FOXN1: variants seen among roughly 807,000 people sequenced by gnomAD.
FOXN1 encodes the protein forkhead box protein N1.
In FOXN1, 15 loss-of-function variants were observed where a neutral mutation model predicts 49.0. That is an observed-to-expected ratio of 0.31 (90% CI 0.20 to 0.47). The LOEUF (loss-of-function observed/expected upper bound fraction) is 0.47, where lower values mean the gene tolerates loss of function less well. Among genes scored for constraint, FOXN1 ranks in the 20% least tolerant of loss-of-function variants. The pLI is 1.00. For missense variants in FOXN1, 800 were observed against 842.8 expected, an observed-to-expected ratio of 0.95 and a Z score of 0.63; for synonymous variants, 356 against 369.0, an observed-to-expected ratio of 0.96 and a Z score of 0.40.
rs201218847 is a variant in FOXN1, at chr17:28,537,456, G to C, written c.*20G>C. 1,287 of 1,597,528 alleles carry C rather than the reference G, an allele frequency of 8.1e-4. No homozygotes were observed. Among genetic ancestry groups the C allele is most frequent in the Non-Finnish European group, 7.4e-4 (868 of 1,165,692 alleles). Reference sequence around the variant, plus strand: ...GCATGAGCTGTGCCCAGCTTCGTCAGCTCCAGCGTTTGCCTGGTCTGGAAG... The same window carrying C: ...GCATGAGCTGTGCCCAGCTTCGTCACCTCCAGCGTTTGCCTGGTCTGGAAG... On this transcript the variant is annotated 3_prime_UTR_variant, in exon 9 of 9. Transcript: ENST00000579795.
chr17:28,514,956 T>C (rs1057182340), intron 1 of FOXN1, among the ~76,000 whole-genome samples: 1 of 152,118 alleles, frequency 6.6e-6, no homozygotes. Flanking sequence ...AGCGTAATGG[T>C]TCAGCATGCT....
At position 28,524,821 on chromosome 17, in the gene FOXN1, T is replaced by C. The variant is rs761540532; in HGVS notation, c.442T>C (p.Ser148Pro). 1 of 1,613,670 alleles carries C rather than the reference T, an allele frequency of 6.2e-7. No homozygotes were observed. The highest frequency in any genetic ancestry group is 8.5e-7 in the Non-Finnish European group (1 of 1,179,990). ...GACCACCCTGGCCCTCAAAGGACAC[T>C]CCTTTAAGACCCCAGGGCCGCTGGA... The part of the protein sequence containing the change: ...AETTLALKGH[S>P]FKTPGPLEAF... The change falls in exon 3 of 9, where the codon TCC (serine) becomes CCC (proline). Residue 148 changes from serine to proline, a missense_variant. Ser to Pro is a moderately conservative substitution (Grantham distance 74). Coordinates refer to ENST00000579795, the MANE Select transcript of FOXN1 (RefSeq NM_001369369.1).
At position 28,535,224 on chromosome 17, in the gene FOXN1, G is replaced by C. The variant is rs558081551; in HGVS notation, c.1627+26G>C. On this transcript the variant is annotated intron_variant, in intron 8 of 8. Transcript: ENST00000579795. ...GTGAGCTGGGGGTGGGAAAGGGAAG[G>C]TGGGACAGGACTGGAGAGGAGCACC... 1.9e-5 allele frequency: 31 copies of C among 1,610,132 alleles called. No homozygotes were observed. In the African/African-American group the frequency reaches 3.5e-4, roughly 18 times the overall value.
At chr17:28,533,300 C>T (rs984379991) in intron 6 of FOXN1, among the ~76,000 whole-genome samples, 4 of 152,128 alleles carry the variant, frequency 2.6e-5, no homozygotes, top group Non-Finnish European at 4.4e-5. Context: ...CTGCTGAACT[C>T]AGGGCTGTCA....
chr17:28,523,831 T>A (rs998098255), intron 1 of FOXN1, 125 bp from the exon 2 acceptor site: 1 of 754,222 alleles, frequency 1.3e-6, no homozygotes, highest in Non-Finnish European at 2.4e-6. Context: ...TCTCTCTCTC[T>A]CATCAGATGG....
At position 28,537,677 on chromosome 17, in the gene FOXN1, C is replaced by T. The variant is rs893779974; in HGVS notation, c.*241C>T. Reference sequence around the variant, plus strand: ...TCACCCAGGGCCCCCAAAGAGCAAGCGTCTGGGCAAGAGGAAAATGCCCTG... The same window carrying T: ...TCACCCAGGGCCCCCAAAGAGCAAGTGTCTGGGCAAGAGGAAAATGCCCTG... On this transcript the variant is annotated 3_prime_UTR_variant, in exon 9 of 9. Transcript: ENST00000579795. 3.3e-6 allele frequency: 2 copies of T among 601,758 alleles called. No individual in the cohort carries two copies. The highest frequency in any genetic ancestry group is 6.0e-6 in the Non-Finnish European group (2 of 334,804). 37.3% of individuals were successfully genotyped at this position (601,758 alleles called of 1,614,324 possible). A position where few individuals can be genotyped will look rare whatever the true frequency, so the allele number is the denominator to read the frequency against.
At chr17:28,530,697 G>T in intron 5 of FOXN1, 52 bp from the exon 6 acceptor site, 1 of 1,026,096 alleles carries the variant, frequency 9.7e-7, no homozygotes, top group Non-Finnish European at 1.6e-6. Flanking sequence ...CTTGGGGTGG[G>T]CTCAGGACCC....
intron 1 of FOXN1, among the ~76,000 whole-genome samples, chr17:28,512,790 C>T (rs1198420648): frequency 2.6e-5 from 4 of 152,136 alleles, no homozygotes; most frequent in Admixed American, 6.5e-5. Context: ...TCCAGAGTAG[C>T]CAGGGAGGCA....
intron 1 of FOXN1, among the ~76,000 whole-genome samples, chr17:28,509,968 G>A (rs1216779886): frequency 6.6e-6 from 1 of 152,212 alleles, no homozygotes; most frequent in Non-Finnish European, 1.5e-5. Context: ...GGGCCAGGGA[G>A]AGAATTCGCT....
chr17:28,537,785 A>T lies in FOXN1; in HGVS notation c.*349A>T, dbSNP rs1465904477. 2 of 390,782 alleles carry T rather than the reference A, an allele frequency of 5.1e-6. No individual in the cohort carries two copies. Among genetic ancestry groups the T allele is most frequent in the African/African-American group, 4.1e-5 (2 of 48,800 alleles). The allele number at this position is 390,782 out of a possible 1,614,324, so 24.2% of individuals were successfully genotyped here. On this transcript the variant is annotated 3_prime_UTR_variant, in exon 9 of 9. Coordinates refer to ENST00000579795, the MANE Select transcript of FOXN1 (RefSeq NM_001369369.1). ...ATGTACACCCACCCACATATCTTAC[A>T]GCCAGAGGAACCAGCACTCCATCAC...
intron 1 of FOXN1, among the ~76,000 whole-genome samples, chr17:28,521,146 C>A (rs560303137): frequency 7.9e-5 from 12 of 152,046 alleles, no homozygotes; most frequent in Admixed American, 7.2e-4. Flanking sequence ...TTCTCAGATG[C>A]GGAAAGTGAG....
chr17:28,508,349 G>C (rs994342953), intron 1 of FOXN1, among the ~76,000 whole-genome samples: 26 of 152,222 alleles, frequency 1.7e-4, no homozygotes, highest in African/African-American at 4.6e-4. Context: ...TCGCGAGAAG[G>C]CTTAGGAAAG....
rs769969790 is a variant in FOXN1 at position 28,524,585 on chromosome 17, G to T, written c.206G>T (p.Arg69Leu). Residue 69 changes from arginine to leucine, a missense_variant, in exon 3 of 9, where the codon CGC (arginine) becomes CTC (leucine). Around this residue, in one of 3 missense-constraint regions of FOXN1, gnomAD observed 383 missense variants for 357.9 expected, o/e 1.07. Transcript: ENST00000579795. ...CCCTCACTGCCCCCACACAGCCCCC[G>T]CATTGCGTCACCAGGGCCCGAGCAA... ...RTPSLPPHSP[R>L]IASPGPEQVQ... is the part of the protein sequence containing the mutation. 2 of 1,613,532 alleles carry T rather than the reference G, an allele frequency of 1.2e-6. No homozygotes were observed. The highest frequency in any genetic ancestry group is 1.1e-5 in the South Asian group (1 of 91,086).
At position 28,534,719 on chromosome 17, in the gene FOXN1, G is replaced by A; in HGVS notation, c.1148G>A (p.Ser383Asn). The part of the protein sequence containing the change: ...KSMAKPEELD[S>N]LIGDKREKLG... Reference sequence around the variant, plus strand: ...TTGGGCCTTTCAGAAGAGCTGGACAGCCTCATTGGAGACAAGAGAGAAAAG... The same window carrying A: ...TTGGGCCTTTCAGAAGAGCTGGACAACCTCATTGGAGACAAGAGAGAAAAG... The change falls in exon 8 of 9, where the codon AGC (serine) becomes AAC (asparagine). Residue 383 changes from serine to asparagine, a missense_variant. Transcript: ENST00000579795. This position sits in a 1 kb window ranked among gnomAD's most constrained non-coding sequence, Gnocchi z 4.1. 6.2e-7 allele frequency: 1 copy of A among 1,613,506 alleles called. No homozygotes were observed. The highest frequency in any genetic ancestry group is 1.1e-5 in the South Asian group (1 of 91,030).
intron 1 of FOXN1, among the ~76,000 whole-genome samples, chr17:28,519,849 A>G (rs1597544095): frequency 6.6e-6 from 1 of 152,122 alleles, no homozygotes. Flanking sequence ...GCCTCTGCCA[A>G]TGGGAGAGGA....
Position 28,537,620 on chromosome 17 carries a change from C to T in FOXN1, c.*184C>T. 1 of 650,846 alleles carries T rather than the reference C, an allele frequency of 1.5e-6. No individual in the cohort carries two copies. The highest frequency in any genetic ancestry group is 2.8e-6 in the Non-Finnish European group (1 of 357,768). The allele number at this position is 650,846 out of a possible 1,614,324, so 40.3% of individuals were successfully genotyped here. A position where few individuals can be genotyped will look rare whatever the true frequency, so the allele number is the denominator to read the frequency against. On this transcript the variant is annotated 3_prime_UTR_variant, in exon 9 of 9. Coordinates refer to ENST00000579795, the MANE Select transcript of FOXN1 (RefSeq NM_001369369.1). ...GGACATCACCTGGGGTGCTGCCTCT[C>T]ACACATTTCTGCCACGTGGTGGCCC...
intron 1 of FOXN1, among the ~76,000 whole-genome samples, chr17:28,519,630 T>A (rs1234314319): frequency 6.6e-6 from 1 of 152,106 alleles, no homozygotes; most frequent in Non-Finnish European, 1.5e-5. Flanking sequence ...GGATAAAGGT[T>A]GGACCTCTAT....
intron 1 of FOXN1, among the ~76,000 whole-genome samples, chr17:28,518,214 C>T (rs1000841942): frequency 2.0e-5 from 3 of 152,034 alleles, no homozygotes; most frequent in African/African-American, 7.3e-5. Flanking sequence ...TACACACCTC[C>T]GCAGGGTACA....
At position 28,529,104 on chromosome 17, in the gene FOXN1, G is replaced by C; in HGVS notation, c.710G>C (p.Gly237Ala). The change falls in exon 5 of 9, where the codon GGT (glycine) becomes GCT (alanine). Residue 237 changes from glycine to alanine, a missense_variant. By Grantham distance (60) the Gly-to-Ala change is moderately conservative. Around this residue, in one of 3 missense-constraint regions of FOXN1, gnomAD observed 383 missense variants for 357.9 expected, o/e 1.07. Coordinates refer to ENST00000579795, the MANE Select transcript of FOXN1 (RefSeq NM_001369369.1). ...SQPPFHQYSP[G>A]GGSYPIPYLG... ...TTTTGACCTCCTCAGTACTCGCCAGGTGGTGGCAGCTACCCCATACCCTAC... is the reference window on the plus strand; with the variant it reads ...TTTTGACCTCCTCAGTACTCGCCAGCTGGTGGCAGCTACCCCATACCCTAC... The C allele has an allele frequency of 6.2e-7, 1 of 1,614,140 alleles. No individual in the cohort carries two copies.
Sources: gnomAD v4.1 joint callset for allele counts (sites outside exome capture counted in the v4.1 genomes callset) on GRCh38, gnomAD v4.1.1 for gene constraint, gnomAD v4.1.1 regional missense constraint, Gnocchi (gnomAD v3.1) non-coding constraint, MANE v1.5 for transcripts, NCBI Gene and HGNC (gene_info 2026-07-23, HGNC 2026-07-21) for gene names.